MOGAT1: variants seen among roughly 807,000 people sequenced by gnomAD.
The protein encoded by MOGAT1 is 2-acylglycerol O-acyltransferase 1.
Under a neutral mutation model 31.4 loss-of-function variants are expected in MOGAT1, and 32 were observed. The observed-to-expected ratio is 1.02, with a 90% CI of 0.77 to 1.37. MOGAT1 has a LOEUF of 1.37. Ranked by LOEUF, MOGAT1 falls within the 40% of genes most tolerant of loss-of-function variation. MOGAT1 has a pLI of 0.00. For synonymous variants in MOGAT1, 145 were observed against 144.5 expected (o/e 1.00, Z -0.03); for missense variants, 426 against 402.0 (o/e 1.06, Z -0.51).
chr2:222,671,924 C>T, intron 1 of MOGAT1, 45 bp downstream of exon 1: 1 of 1,450,776 alleles, frequency 6.9e-7, no homozygotes, highest in South Asian at 1.2e-5. Context: ...GCTCCATATC[C>T]TCCCTCGGGA....
At chr2:222,701,367 G>C (rs1049630780) in intron 5 of MOGAT1, among the ~76,000 whole-genome samples, 18 of 143,904 alleles carry the variant, frequency 1.3e-4, no homozygotes, top group African/African-American at 4.7e-4. Flanking sequence ...GAAAGGAAAA[G>C]AGGAAGGAAG....
chr2:222,680,782 A>T lies in MOGAT1; in HGVS notation c.95-7562A>T, dbSNP rs575701550. Among the ~76,000 whole-genome samples the T allele has an allele frequency of 2.0e-5, 3 of 152,288 alleles. No homozygotes were observed. The East Asian group carries it at 5.8e-4, about 29-fold the overall frequency. On this transcript the variant is annotated intron_variant, in intron 1 of 5. Coordinates refer to ENST00000446656, the MANE Select transcript of MOGAT1 (RefSeq NM_058165.3). ...AGTTTTCATGCAGAAAAAAATGAAA[A>T]TTTTTTGGATGAGAATAGGAAGAAA...
intron 1 of MOGAT1, chr2:222,678,268 A>G (rs923878441): frequency 6.6e-6 from 1 of 152,406 alleles, no homozygotes; most frequent in African/African-American, 2.4e-5. Flanking sequence ...CTGAGTCCCA[A>G]TTTTTGCAGT....
intron 5 of MOGAT1, among the ~76,000 whole-genome samples, chr2:222,706,470 A>AT (rs1034760389): frequency 3.8e-5 from 4 of 104,328 alleles, no homozygotes; most frequent in East Asian, 2.0e-4. Flanking sequence ...AAAACTCTGT[A>AT]TAAAAAAAAA....
intron 5 of MOGAT1, among the ~76,000 whole-genome samples, chr2:222,701,837 T>A (rs1315935470): frequency 6.6e-6 from 1 of 152,002 alleles, no homozygotes. Flanking sequence ...CAGAAGGAAG[T>A]GGTATGGGTT....
intron 1 of MOGAT1, among the ~76,000 whole-genome samples, chr2:222,675,327 A>G (rs1206901358): frequency 1.3e-5 from 2 of 152,060 alleles, no homozygotes; most frequent in South Asian, 4.1e-4. Context: ...TGCTTGTCTC[A>G]TTATTTGTGT....
At chr2:222,694,659 A>C (rs1692815505) in intron 4 of MOGAT1, 123 bp downstream of exon 4, 1 of 927,584 alleles carries the variant, frequency 1.1e-6, no homozygotes, top group Admixed American at 2.9e-5. Flanking sequence ...TGACAGTAAA[A>C]GCAGGTGTGG....
intron 1 of MOGAT1, among the ~76,000 whole-genome samples, chr2:222,674,111 G>T (rs191788371): frequency 3.0e-4 from 45 of 152,324 alleles, no homozygotes; most frequent in African/African-American, 9.6e-4. Flanking sequence ...TGGCCCAGTA[G>T]TGGAAAGTCG....
At chr2:222,699,940 A>G (rs927395964) in intron 5 of MOGAT1, among the ~76,000 whole-genome samples, 1 of 152,242 alleles carries the variant, frequency 6.6e-6, no homozygotes, top group Non-Finnish European at 1.5e-5. Context: ...AATTAATAAA[A>G]TGGAATGTTA....
chr2:222,701,299 GGAGAGAGAGA>G (rs1553562912), intron 5 of MOGAT1, among the ~76,000 whole-genome samples: 7 of 90,498 alleles, frequency 7.7e-5, no homozygotes, highest in South Asian at 6.5e-4. Context: ...AGGAGGAGGA[GGAGAGAGAGA>G]GAGAGAGAGA....
At chr2:222,706,518 T>C (rs10932968) in intron 5 of MOGAT1, among the ~76,000 whole-genome samples, 73,468 of 147,130 alleles carry the variant, frequency 0.5, 18,515 homozygotes, top group Middle Eastern at 0.65. Context: ...GCTTAAGCTC[T>C]CTGGAAGAAC....
chr2:222,685,598 C>CTTTTTTT (rs574124301), intron 1 of MOGAT1, among the ~76,000 whole-genome samples: 26 of 119,994 alleles, frequency 2.2e-4, no homozygotes, highest in African/African-American at 3.2e-4. Context: ...TCTTCTTCTT[C>CTTTTTTT]TTTTTTTTTT....
chr2:222,684,577 T>C (rs1692634229), intron 1 of MOGAT1, among the ~76,000 whole-genome samples: 1 of 152,084 alleles, frequency 6.6e-6, no homozygotes, highest in Non-Finnish European at 1.5e-5. Flanking sequence ...CCATCCAGTA[T>C]CTTACTTCTT....
chr2:222,707,789 T>C (rs569339680), intron 5 of MOGAT1, among the ~76,000 whole-genome samples: 1 of 152,286 alleles, frequency 6.6e-6, no homozygotes, highest in African/African-American at 2.4e-5. Context: ...GATGTGTGTA[T>C]GTGTGTGTGT....
At chr2:222,674,516 T>C (rs941476696) in intron 1 of MOGAT1, among the ~76,000 whole-genome samples, 1 of 152,152 alleles carries the variant, frequency 6.6e-6, no homozygotes, top group African/African-American at 2.4e-5. Flanking sequence ...TGTAGGTAAA[T>C]TGATCATCAT....
chr2:222,692,518 A>G, intron 3 of MOGAT1, among the ~76,000 whole-genome samples: 1 of 152,210 alleles, frequency 6.6e-6, no homozygotes, highest in East Asian at 1.9e-4. Context: ...TAATGTTGGA[A>G]GAGGGACAAC....
chr2:222,688,567 G>T, intron 2 of MOGAT1, 45 bp downstream of exon 2: 1 of 1,422,088 alleles, frequency 7.0e-7, no homozygotes, highest in South Asian at 1.3e-5. Context: ...TTTAGGAGAA[G>T]AGTGGAAATT....
In MOGAT1 at chr2:222,704,580, C is replaced by T. The variant is rs568609472; in HGVS notation, c.854-5156C>T. Among the ~76,000 whole-genome samples the T allele has an allele frequency of 3.3e-5, 5 of 151,508 alleles. No homozygotes were observed. In the South Asian group the frequency reaches 8.3e-4, roughly 25 times the overall value. ...CGGAGCTTGCAGTGAGCCGAGATCG[C>T]GCCACTGCACTCCAGCCTGGGCGAC... On this transcript the variant is annotated intron_variant, in intron 5 of 5. Transcript: ENST00000446656.
chr2:222,701,583 A>AG (rs1692928983), intron 5 of MOGAT1, among the ~76,000 whole-genome samples: 2 of 115,706 alleles, frequency 1.7e-5, no homozygotes, highest in African/African-American at 6.7e-5. Context: ...AAAGAAAGAA[A>AG]AAGAAAGAAA....
Sources: allele counts gnomAD v4.1 joint callset (sites outside exome capture counted in the v4.1 genomes callset), GRCh38; gene constraint gnomAD v4.1.1; transcripts MANE v1.5; gene names NCBI Gene and HGNC (gene_info 2026-07-23, HGNC 2026-07-21).